MYCBP2: variants seen among roughly 807,000 people sequenced by gnomAD.
MYCBP2 encodes MYC binding protein 2, also known as E3 ubiquitin-protein ligase MYCBP2.
MYCBP2 carries 120 observed loss-of-function variants against 525.3 expected under a neutral mutation model. That is an observed-to-expected ratio of 0.23 (90% CI 0.20 to 0.27). MYCBP2 has a LOEUF of 0.27. Ranked by LOEUF, MYCBP2 falls within the 10% of genes least tolerant of loss-of-function variation. The pLI is 1.00. For synonymous variants in MYCBP2, 1,894 were observed against 1,955.8 expected, an observed-to-expected ratio of 0.97 and a Z score of 0.83; for missense variants, 4,149 against 5,657.1, an observed-to-expected ratio of 0.73 and a Z score of 8.55.
intron 52 of MYCBP2, among the ~76,000 whole-genome samples, chr13:77,138,740 C>T (rs1319027967): frequency 1.3e-5 from 2 of 151,888 alleles, no homozygotes; most frequent in Admixed American, 6.6e-5. Flanking sequence ...TATTATAAGC[C>T]GAGAAGGAAG....
At chr13:77,214,584 T>C (rs2064531717) in intron 21 of MYCBP2, among the ~76,000 whole-genome samples, 1 of 152,184 alleles carries the variant, frequency 6.6e-6, no homozygotes, top group Non-Finnish European at 1.5e-5. Context: ...GAAATATATA[T>C]ATTTATGTAC....
At chr13:77,047,064 T>C (rs1196057687) in intron 82 of MYCBP2, among the ~76,000 whole-genome samples, 2 of 152,142 alleles carry the variant, frequency 1.3e-5, no homozygotes, top group Non-Finnish European at 1.5e-5. Flanking sequence ...ATGCCTAATA[T>C]ATGAAGGGCA....
At chr13:77,118,331 C>G (rs1398899940) in intron 55 of MYCBP2, 2 of 752,598 alleles carry the variant, frequency 2.7e-6, no homozygotes, top group Admixed American at 1.7e-5. Context: ...GTAAGGCTGA[C>G]AGACTTACTC....
At chr13:77,118,814 T>C (rs1454849101) in intron 55 of MYCBP2, among the ~76,000 whole-genome samples, 1 of 152,144 alleles carries the variant, frequency 6.6e-6, no homozygotes, top group Non-Finnish European at 1.5e-5. Flanking sequence ...CAGTGATAAA[T>C]TGCTTCAATA....
chr13:77,070,777 G>C, intron 68 of MYCBP2, 66 bp from the exon 69 acceptor site: 1 of 984,536 alleles, frequency 1.0e-6, no homozygotes, highest in Non-Finnish European at 1.5e-6. Flanking sequence ...ATTTGTATAT[G>C]TGATATTTCA....
intron 26 of MYCBP2, among the ~76,000 whole-genome samples, chr13:77,200,870 C>T (rs925767042): frequency 7.9e-5 from 12 of 152,012 alleles, no homozygotes; most frequent in Middle Eastern, 6.8e-3. Flanking sequence ...CCAGGCCTGA[C>T]CTAAAAGAGC....
At chr13:77,200,537 G>C (rs2062386230) in intron 26 of MYCBP2, among the ~76,000 whole-genome samples, 1 of 152,028 alleles carries the variant, frequency 6.6e-6, no homozygotes, top group African/African-American at 2.4e-5. Flanking sequence ...AGGAAATACA[G>C]AGAACGCCAC....
chr13:77,049,722 G>A lies in MYCBP2; in HGVS notation c.13921+1275C>T, dbSNP rs182796336. Among the ~76,000 whole-genome samples, 28 of 152,014 alleles carry A rather than the reference G, an allele frequency of 1.8e-4. No individual in the cohort carries two copies. In the East Asian group the frequency reaches 5.2e-3, roughly 28 times the overall value. On this transcript the variant is annotated intron_variant, in intron 82 of 82. Coordinates refer to ENST00000544440, the MANE Select transcript of MYCBP2 (RefSeq NM_015057.5). Reference sequence around the variant, plus strand: ...GCAATCTTGGCTCACTGCAACCTCCGCCTCTCAGGCTCAAGTGATTCTCTG... The same window carrying A: ...GCAATCTTGGCTCACTGCAACCTCCACCTCTCAGGCTCAAGTGATTCTCTG...
intron 62 of MYCBP2, among the ~76,000 whole-genome samples, 195 bp downstream of exon 62, chr13:77,087,289 A>G (rs948688679): frequency 3.3e-5 from 5 of 152,280 alleles, no homozygotes; most frequent in African/African-American, 1.2e-4. Flanking sequence ...CCCTAATTCA[A>G]TGCTCTCTCC....
intron 4 of MYCBP2, among the ~76,000 whole-genome samples, chr13:77,274,590 C>A (rs977691948): frequency 6.6e-6 from 1 of 152,088 alleles, no homozygotes; most frequent in African/African-American, 2.4e-5. Context: ...TTACAGAAAC[C>A]CAGGCAGCCC....
chr13:77,181,236 GATTT>G (rs1243995937), intron 33 of MYCBP2, among the ~76,000 whole-genome samples: 3 of 152,122 alleles, frequency 2.0e-5, no homozygotes, highest in African/African-American at 7.2e-5. Flanking sequence ...GCATGAAAAT[GATTT>G]ATGTGAATGT....
In MYCBP2 at chr13:77,181,735, G is replaced by A; in HGVS notation, c.4907C>T (p.Pro1636Leu). ...ENDSTLVHRF[P>L]LLVAHMEKLS... is the part of the protein sequence containing the mutation. ...TTTTTCCATATGTGCCACCAAAAGG[G>A]GAAAACGATGAACTAGTGTTGAGTC... is the stretch of plus-strand genomic sequence containing the variant. Residue 1636 changes from proline to leucine, a missense_variant, in exon 33 of 83, where the codon CCC becomes CTC. This residue lies in a region of MYCBP2 where 292 missense variants were observed against 330.5 expected (regional missense o/e 0.88). Coordinates refer to ENST00000544440, the MANE Select transcript of MYCBP2 (RefSeq NM_015057.5). 1 of 1,613,908 alleles carries A rather than the reference G, an allele frequency of 6.2e-7. No individual in the cohort carries two copies.
chr13:77,256,789 A>C (rs2072273693), intron 14 of MYCBP2, among the ~76,000 whole-genome samples: 1 of 152,048 alleles, frequency 6.6e-6, no homozygotes, highest in Non-Finnish European at 1.5e-5. Context: ...TGAGAATGTA[A>C]ATTTAGTACA....
At chr13:77,317,507 C>T (rs914174334) in intron 1 of MYCBP2, among the ~76,000 whole-genome samples, 1 of 152,226 alleles carries the variant, frequency 6.6e-6, no homozygotes, top group Non-Finnish European at 1.5e-5. Context: ...GGGCGCCTCA[C>T]CCTTGCAGGG....
At chr13:77,174,203 C>G in intron 37 of MYCBP2, 108 bp downstream of exon 37, 2 of 904,898 alleles carry the variant, frequency 2.2e-6, no homozygotes, top group Non-Finnish European at 3.4e-6. Flanking sequence ...TAAGAAGATA[C>G]ACTGTACAAT....
chr13:77,262,336 G>A (rs143948094), intron 10 of MYCBP2, among the ~76,000 whole-genome samples: 5 of 152,100 alleles, frequency 3.3e-5, no homozygotes, highest in Non-Finnish European at 7.4e-5. Context: ...TGTTTCTCTT[G>A]TTCCAAACCA....
At chr13:77,141,019 A>C in intron 49 of MYCBP2, 76 bp from the exon 50 acceptor site, 1 of 1,000,236 alleles carries the variant, frequency 1.0e-6, no homozygotes, top group Non-Finnish European at 1.5e-6. Flanking sequence ...TCTTATAAAC[A>C]TCCACAGGCT....
At position 77,081,351 on chromosome 13, in the gene MYCBP2, A is replaced by C. The variant is rs1476421738; in HGVS notation, c.11418+76T>G. ...TTCCAGGTGATAAAGCTTGTTGCTAAATTCAGAAATGAAAGTGCATGAATA... is the reference window on the plus strand; with the variant it reads ...TTCCAGGTGATAAAGCTTGTTGCTACATTCAGAAATGAAAGTGCATGAATA... On this transcript the variant is annotated intron_variant, in intron 65 of 82. Transcript: ENST00000544440. This position sits in a 1 kb window ranked among gnomAD's most constrained non-coding sequence, Gnocchi z 4.6. 9 of 1,257,898 alleles carry C rather than the reference A, an allele frequency of 7.2e-6. No homozygotes were observed. The highest frequency in any genetic ancestry group is 1.0e-5 in the Non-Finnish European group (9 of 887,746). The allele number at this position is 1,257,898 out of a possible 1,614,324, so 77.9% of individuals were successfully genotyped here.
chr13:77,257,525 TAA>T, intron 14 of MYCBP2, 144 bp downstream of exon 14: 1 of 752,298 alleles, frequency 1.3e-6, no homozygotes, highest in Non-Finnish European at 2.0e-6. Flanking sequence ...TATCTACCCA[TAA>T]AATTTTTAAA....
Sources: gnomAD v4.1 joint callset for allele counts (sites outside exome capture counted in the v4.1 genomes callset) on GRCh38, gnomAD v4.1.1 for gene constraint, gnomAD v4.1.1 regional missense constraint, Gnocchi (gnomAD v3.1) non-coding constraint, MANE v1.5 for transcripts, NCBI Gene and HGNC (gene_info 2026-07-23, HGNC 2026-07-21) for gene names.